The following C19orf12 variants were observed in gnomAD, a reference collection of about 807,000 sequenced individuals.
C19orf12 encodes the protein protein C19orf12.
In C19orf12, 2 loss-of-function variants were observed where a neutral mutation model predicts 3.8. That is an observed-to-expected ratio of 0.53 (90% CI 0.22 to 1.66). The LOEUF is 1.66. Among genes scored for constraint, C19orf12 ranks in the 40% most tolerant of loss-of-function variants. The probability of loss-of-function intolerance (pLI) is 0.20; values close to 1 mark genes in which losing one functional copy is unlikely to be tolerated. For synonymous variants in C19orf12, 89 were observed against 84.6 expected (o/e 1.05, Z -0.28); for missense variants, 156 against 188.8 (o/e 0.83, Z 1.02).
Position 29,700,162 on chromosome 19 carries a change from G to A in C19orf12, c.*2550C>T, listed in dbSNP as rs913904509. On this transcript the variant is annotated 3_prime_UTR_variant, in exon 3 of 3. Transcript: ENST00000323670. ...AGTGGACACTGGGCCTCTGAGCTGG[G>A]ACCACCTGTGTCCCCTGGGCCTGAC... 1 of 454,014 alleles carries A rather than the reference G, an allele frequency of 2.2e-6. No individual in the cohort carries two copies. Among genetic ancestry groups the A allele is most frequent in the Non-Finnish European group, 4.4e-6 (1 of 226,786 alleles). 28.1% of individuals were successfully genotyped at this position (454,014 alleles called of 1,614,324 possible). A position where few individuals can be genotyped will look rare whatever the true frequency, so the allele number is the denominator to read the frequency against.
chr19:29,703,019 A>G (rs1972195584), intron 2 of C19orf12, 42 bp from the exon 3 acceptor site: 2 of 1,613,364 alleles, frequency 1.2e-6, no homozygotes, highest in Non-Finnish European at 1.7e-6. Context: ...TCTTATTCAT[A>G]AGCGATGGCC....
chr19:29,700,500 G>A lies in C19orf12; in HGVS notation c.*2212C>T. The stretch of plus-strand genomic sequence containing the variant: ...TCTGATTTTCCATTTTTAGTTCCAG[G>A]GTCCGTATGCAGGACTTATTTGCAG... On this transcript the variant is annotated 3_prime_UTR_variant, in exon 3 of 3. Coordinates refer to ENST00000323670, the MANE Select transcript of C19orf12 (RefSeq NM_031448.6). The A allele has an allele frequency of 2.2e-6, 1 of 454,022 alleles. No homozygotes were observed. Among genetic ancestry groups the A allele is most frequent in the Non-Finnish European group, 4.4e-6 (1 of 226,784 alleles). The allele number at this position is 454,022 out of a possible 1,614,324, so 28.1% of individuals were successfully genotyped here. A position where few individuals can be genotyped will look rare whatever the true frequency, so the allele number is the denominator to read the frequency against.
intron 2 of C19orf12, chr19:29,705,196 C>A: frequency 4.0e-6 from 1 of 251,714 alleles, no homozygotes; most frequent in East Asian, 1.0e-4. Flanking sequence ...CCCAGGCATG[C>A]CTCCCAAAGA....
chr19:29,715,414 T>C, upstream of C19orf12: 1 of 410,988 alleles, frequency 2.4e-6, no homozygotes, highest in South Asian at 1.7e-5. Flanking sequence ...ACCCCGCCGC[T>C]GTCACCGGGG....
chr19:29,699,505 GA>G lies in C19orf12; in HGVS notation c.*3206del, dbSNP rs1462487758. On this transcript the variant is annotated 3_prime_UTR_variant, in exon 3 of 3. Transcript: ENST00000323670. ...CTCAAAAAAAAAAAAAAGAAAAAAA[GA>G]AAAAAATATATGTGTACCTACATAG... The G allele has an allele frequency of 9.6e-6, 4 of 417,438 alleles. No homozygotes were observed. The highest frequency in any genetic ancestry group is 1.8e-5 in the South Asian group (1 of 56,186). The allele number at this position is 417,438 out of a possible 1,614,324, so 25.9% of individuals were successfully genotyped here. A position where few individuals can be genotyped will look rare whatever the true frequency, so the allele number is the denominator to read the frequency against.
At chr19:29,714,907 T>C in intron 1 of C19orf12, 1 of 619,516 alleles carries the variant, frequency 1.6e-6, no homozygotes, top group Middle Eastern at 2.6e-4. Flanking sequence ...TGCTGCTTAC[T>C]TGTGTGACTT....
rs528651591 is a variant in C19orf12 at position 29,700,815 on chromosome 19, T to A, written c.*1897A>T. ...TACACACATGGAGGTGCCAGGATAC[T>A]GAGCTTTCCTATAAGCAGGGCCTCA... is the stretch of plus-strand genomic sequence containing the variant. On this transcript the variant is annotated 3_prime_UTR_variant, in exon 3 of 3. Coordinates refer to ENST00000323670, the MANE Select transcript of C19orf12 (RefSeq NM_031448.6). 84 of 454,114 alleles carry A rather than the reference T, an allele frequency of 1.8e-4. No homozygotes were observed. In the East Asian group the frequency reaches 4.9e-3, roughly 27 times the overall value. The allele number at this position is 454,114 out of a possible 1,614,324, so 28.1% of individuals were successfully genotyped here. A position where few individuals can be genotyped will look rare whatever the true frequency, so the allele number is the denominator to read the frequency against.
Position 29,701,260 on chromosome 19 carries a change from G to A in C19orf12, c.*1452C>T, listed in dbSNP as rs1972067199. ...TACAGCTATGCCTCAGTATCCATGG[G>A]GGATGGGTTCCAGGACTGCAACCTC... On this transcript the variant is annotated 3_prime_UTR_variant, in exon 3 of 3. Transcript: ENST00000323670. 2.2e-6 allele frequency: 1 copy of A among 453,940 alleles called. No individual in the cohort carries two copies. The highest frequency in any genetic ancestry group is 4.4e-6 in the Non-Finnish European group (1 of 226,782). 28.1% of individuals were successfully genotyped at this position (453,940 alleles called of 1,614,324 possible). A position where few individuals can be genotyped will look rare whatever the true frequency, so the allele number is the denominator to read the frequency against.
chr19:29,708,322 C>A lies in C19orf12; in HGVS notation c.92G>T (p.Gly31Val). The A allele has an allele frequency of 1.9e-6, 3 of 1,614,064 alleles. No individual in the cohort carries two copies. Among genetic ancestry groups the A allele is most frequent in the Non-Finnish European group, 2.5e-6 (3 of 1,180,024 alleles). The change falls in exon 2 of 3, where the codon GGT becomes GTT. Residue 31 changes from glycine to valine, a missense_variant. By Grantham distance (109) the Gly-to-Val change is moderately radical (BLOSUM62 -3). Transcript: ENST00000323670. Reference sequence around the variant, plus strand: ...GGCCATGGCCCCTGTGACCAGGGCACCCTTCCCAGAGTGCTTGACAGCCGC... The same window carrying A: ...GGCCATGGCCCCTGTGACCAGGGCAACCTTCCCAGAGTGCTTGACAGCCGC... ...MKAAVKHSGK[G>V]ALVTGAMAFV...
intron 1 of C19orf12, among the ~76,000 whole-genome samples, chr19:29,709,380 G>T (rs1044567894): frequency 3.3e-5 from 5 of 152,198 alleles, no homozygotes; most frequent in African/African-American, 1.2e-4. Flanking sequence ...GAGGTGGGGG[G>T]TCTCCTCAGA....
chr19:29,702,796 G>A lies in C19orf12; in HGVS notation c.342C>T (p.Ser114=), dbSNP rs761692917. 84 of 1,613,710 alleles carry A rather than the reference G, an allele frequency of 5.2e-5. No homozygotes were observed. Among genetic ancestry groups the A allele is most frequent in the African/African-American group, 3.7e-4 (28 of 74,916 alleles). ...CCAGCAGCTGCTGCTGCAGGGCCTC[G>A]CTGCCCATGACCAGCGCGGTCAGCT... ...AVQLTALVMG[S]EALQQQLLAM... is the part of the protein sequence containing the mutation. The change falls in exon 3 of 3, where the codon AGC becomes AGT. Residue 114 remains serine (S), a synonymous_variant. Transcript: ENST00000323670.
intron 2 of C19orf12, among the ~76,000 whole-genome samples, chr19:29,703,963 C>T (rs562724170): frequency 7.9e-5 from 12 of 151,902 alleles, no homozygotes; most frequent in Non-Finnish European, 5.9e-5. Flanking sequence ...GCACTCCAGC[C>T]TGGGTGACAG....
Position 29,699,545 on chromosome 19 carries a change from G to T in C19orf12, c.*3167C>A, listed in dbSNP as rs1231917792. 2.2e-6 allele frequency: 1 copy of T among 453,404 alleles called. No individual in the cohort carries two copies. The allele number at this position is 453,404 out of a possible 1,614,324, so 28.1% of individuals were successfully genotyped here. On this transcript the variant is annotated 3_prime_UTR_variant, in exon 3 of 3. Coordinates refer to ENST00000323670, the MANE Select transcript of C19orf12 (RefSeq NM_031448.6). ...GTACCTACATAGCATTAAAACAATT[G>T]CAGGAAAGACACCAAATCTGTTACC...
intron 1 of C19orf12, among the ~76,000 whole-genome samples, chr19:29,712,426 TACTC>T (rs2062308695): frequency 6.6e-6 from 1 of 151,188 alleles, no homozygotes; most frequent in South Asian, 2.1e-4. Flanking sequence ...AAAAAAGAAA[TACTC>T]AGACACAGAG....
chr19:29,709,689 C>A (rs537872204), intron 1 of C19orf12, among the ~76,000 whole-genome samples: 1 of 151,604 alleles, frequency 6.6e-6, no homozygotes, highest in South Asian at 2.1e-4. Flanking sequence ...AATCACCACG[C>A]CCAGCTAATT....
At chr19:29,704,141 C>A (rs898507252) in intron 2 of C19orf12, among the ~76,000 whole-genome samples, 4 of 152,152 alleles carry the variant, frequency 2.6e-5, no homozygotes, top group Non-Finnish European at 5.9e-5. Flanking sequence ...TGAAGCAGTG[C>A]TTTTCATAGA....
chr19:29,701,511 T>C lies in C19orf12; in HGVS notation c.*1201A>G, dbSNP rs1972083034. ...GTGTTCAGTACCAATGCAATTTCTTTTTTCAAATATTTCCTATCCAAGGCT... is the reference window on the plus strand; with the variant it reads ...GTGTTCAGTACCAATGCAATTTCTTCTTTCAAATATTTCCTATCCAAGGCT... On this transcript the variant is annotated 3_prime_UTR_variant, in exon 3 of 3. Transcript: ENST00000323670. The C allele has an allele frequency of 2.2e-6, 1 of 454,004 alleles. No homozygotes were observed. The highest frequency in any genetic ancestry group is 2.0e-5 in the African/African-American group (1 of 50,008). 28.1% of individuals were successfully genotyped at this position (454,004 alleles called of 1,614,324 possible).
intron 1 of C19orf12, among the ~76,000 whole-genome samples, chr19:29,713,515 G>A (rs1972790985): frequency 6.7e-6 from 1 of 149,970 alleles, no homozygotes. Flanking sequence ...TATGAAGAGA[G>A]CTATCTGACC....
rs751989652 is a variant in C19orf12 at position 29,700,189 on chromosome 19, C to T, written c.*2523G>A. The T allele has an allele frequency of 1.2e-4, 54 of 454,104 alleles. 1 individual carries two copies. The highest frequency in any genetic ancestry group is 5.9e-4 in the South Asian group (38 of 64,476). 28.1% of individuals were successfully genotyped at this position (454,104 alleles called of 1,614,324 possible). A position where few individuals can be genotyped will look rare whatever the true frequency, so the allele number is the denominator to read the frequency against. Reference sequence around the variant, plus strand: ...CCACCTGTGTCCCCTGGGCCTGACACAGACCAGGACCTGATGCACGAGTAA... The same window carrying T: ...CCACCTGTGTCCCCTGGGCCTGACATAGACCAGGACCTGATGCACGAGTAA... On this transcript the variant is annotated 3_prime_UTR_variant, in exon 3 of 3. Transcript: ENST00000323670.
Sources: gnomAD v4.1 joint callset for allele counts (sites outside exome capture counted in the v4.1 genomes callset) on GRCh38, gnomAD v4.1.1 for gene constraint, MANE v1.5 for transcripts, NCBI Gene and HGNC (gene_info 2026-07-23, HGNC 2026-07-21) for gene names.